SIRPG: variants seen among roughly 807,000 people sequenced by gnomAD.
SIRPG encodes the protein signal regulatory protein gamma.
Under a neutral mutation model 35.7 loss-of-function variants are expected in SIRPG, and 38 were observed. The observed-to-expected ratio is 1.06, with a 90% CI of 0.82 to 1.40. SIRPG has a LOEUF of 1.40. Ranked by LOEUF, SIRPG falls within the 40% of genes most tolerant of loss-of-function variation. The probability of loss-of-function intolerance (pLI) is 0.00; values close to 1 mark genes in which losing one functional copy is unlikely to be tolerated. For missense variants in SIRPG, 519 were observed against 483.0 expected, an observed-to-expected ratio of 1.07 and a Z score of -0.70; for synonymous variants, 215 against 190.4, an observed-to-expected ratio of 1.13 and a Z score of -1.06.
chr20:1,634,788 A>G, intron 4 of SIRPG, among the ~76,000 whole-genome samples: 1 of 151,988 alleles, frequency 6.6e-6, no homozygotes, highest in Non-Finnish European at 1.5e-5. Context: ...TCACGCCTGT[A>G]ATCCCAGCAC....
At chr20:1,679,251 A>G in the SIRPG span, among the ~76,000 whole-genome samples, 1 of 152,182 alleles carries the variant, frequency 6.6e-6, no homozygotes, top group Non-Finnish European at 1.5e-5. Context: ...TCAAAATTGT[A>G]TGAGGAAATA....
chr20:1,668,580 C>G, the SIRPG span, among the ~76,000 whole-genome samples: 1 of 152,084 alleles, frequency 6.6e-6, no homozygotes, highest in Non-Finnish European at 1.5e-5. Flanking sequence ...CCGCACCCAG[C>G]CTTTCACAGG....
At chr20:1,631,395 C>T (rs1244027732) in intron 4 of SIRPG, among the ~76,000 whole-genome samples, 1 of 152,138 alleles carries the variant, frequency 6.6e-6, no homozygotes, top group Non-Finnish European at 1.5e-5. Flanking sequence ...GAAGGCCACG[C>T]TTCTCTCCTC....
upstream of SIRPG, chr20:1,657,817 A>T: frequency 1.8e-6 from 2 of 1,090,090 alleles, no homozygotes; most frequent in Non-Finnish European, 2.7e-6. Flanking sequence ...TCAATTCAAG[A>T]GGAAGTGGCT....
chr20:1,652,573 C>A (rs942874573), intron 1 of SIRPG, among the ~76,000 whole-genome samples: 3 of 152,054 alleles, frequency 2.0e-5, no homozygotes, highest in African/African-American at 7.2e-5. Context: ...ATATGGTATT[C>A]TACAAATATT....
the SIRPG span, among the ~76,000 whole-genome samples, chr20:1,674,063 T>G: frequency 7.2e-5 from 11 of 152,186 alleles, no homozygotes; most frequent in Non-Finnish European, 1.5e-4. Context: ...CCAGAAAAGC[T>G]GCTGTCAATG....
chr20:1,684,978 A>T, the SIRPG span, among the ~76,000 whole-genome samples: 1 of 152,210 alleles, frequency 6.6e-6, no homozygotes, highest in Non-Finnish European at 1.5e-5. Flanking sequence ...TGTAAGAAAG[A>T]TAATTTGAAA....
the SIRPG span, chr20:1,671,016 G>C: frequency 7.7e-6 from 3 of 387,828 alleles, no homozygotes; most frequent in Non-Finnish European, 1.6e-5. Flanking sequence ...AGGTGCTATA[G>C]GGCATACTTT....
the SIRPG span, among the ~76,000 whole-genome samples, chr20:1,664,089 G>T: frequency 6.6e-6 from 1 of 152,188 alleles, no homozygotes; most frequent in Non-Finnish European, 1.5e-5. Context: ...GAAGAGGGAG[G>T]TGCTAGGCTC....
the SIRPG span, among the ~76,000 whole-genome samples, chr20:1,685,802 C>A: frequency 6.6e-6 from 1 of 152,268 alleles, no homozygotes; most frequent in South Asian, 2.1e-4. Flanking sequence ...AACATTGCTC[C>A]CCTGCCCAAC....
chr20:1,665,097 C>T, the SIRPG span, among the ~76,000 whole-genome samples: 1 of 152,204 alleles, frequency 6.6e-6, no homozygotes, highest in Non-Finnish European at 1.5e-5. Flanking sequence ...GCAGCACCCA[C>T]ACACTTCCTG....
At chr20:1,651,572 A>T (rs941424708) in intron 1 of SIRPG, among the ~76,000 whole-genome samples, 5 of 152,108 alleles carry the variant, frequency 3.3e-5, no homozygotes, top group Non-Finnish European at 5.9e-5. Flanking sequence ...ATCCTTTAAG[A>T]CACAACCTGC....
At chr20:1,657,590 G>A in intron 1 of SIRPG, 52 bp downstream of exon 1, 1 of 1,574,584 alleles carries the variant, frequency 6.4e-7, no homozygotes, top group Non-Finnish European at 8.7e-7. Flanking sequence ...CCAGGGGCAA[G>A]GCTAGGTCCA....
At chr20:1,678,225 A>G in the SIRPG span, among the ~76,000 whole-genome samples, 2 of 145,692 alleles carry the variant, frequency 1.4e-5, no homozygotes, top group African/African-American at 2.5e-5. Flanking sequence ...CCTCCTTCTT[A>G]TAAGGACTCA....
intron 1 of SIRPG, among the ~76,000 whole-genome samples, chr20:1,650,851 G>A (rs997315086): frequency 1.3e-5 from 2 of 152,212 alleles, no homozygotes; most frequent in African/African-American, 4.8e-5. Context: ...AAAGAATCCT[G>A]AAAGCAGTGG....
At chr20:1,650,867 A>G (rs139923764) in intron 1 of SIRPG, among the ~76,000 whole-genome samples, 131 of 152,344 alleles carry the variant, frequency 8.6e-4, no homozygotes, top group African/African-American at 3.1e-3. Context: ...AGTGGGAGAG[A>G]AACGATTCCT....
intron 2 of SIRPG, among the ~76,000 whole-genome samples, chr20:1,644,118 T>G (rs1316181486): frequency 6.6e-6 from 1 of 152,190 alleles, no homozygotes; most frequent in Non-Finnish European, 1.5e-5. Context: ...TGTGCTTCAG[T>G]GGGGAAAAAC....
the SIRPG span, among the ~76,000 whole-genome samples, chr20:1,681,347 A>G: frequency 6.6e-6 from 1 of 152,184 alleles, no homozygotes; most frequent in African/African-American, 2.4e-5. Context: ...AGAGTGCCTG[A>G]GCTCAAATCA....
chr20:1,668,199 T>TTTTCTTTCTTTCTTCC, the SIRPG span, among the ~76,000 whole-genome samples: 4 of 67,394 alleles, frequency 5.9e-5, no homozygotes, highest in African/African-American at 1.9e-4. Flanking sequence ...TTTTCTTTTC[T>TTTTCTTTCTTTCTTCC]TTTCTTTCTT....
Sources: gnomAD v4.1 joint callset for allele counts (sites outside exome capture counted in the v4.1 genomes callset) on GRCh38, gnomAD v4.1.1 for gene constraint, MANE v1.5 for transcripts, NCBI Gene and HGNC (gene_info 2026-07-23, HGNC 2026-07-21) for gene names.